The following NELL1 variants were observed in gnomAD, a reference collection of about 807,000 sequenced individuals.
NELL1 encodes the protein protein kinase C-binding protein NELL1.
In NELL1, 76 loss-of-function variants were observed where a neutral mutation model predicts 107.4. The ratio of observed to expected loss-of-function variants is 0.71; its 90% CI spans 0.59 to 0.86. The LOEUF (loss-of-function observed/expected upper bound fraction) is 0.86. NELL1 is among the 40% of genes least tolerant of loss of function. NELL1 has a pLI of 0.00. For missense variants in NELL1, 1,024 were observed against 1,005.5 expected (o/e 1.02, Z -0.25); for synonymous variants, 353 against 341.2 (o/e 1.03, Z -0.38).
chr11:21,280,892 C>T (rs986267986), intron 14 of NELL1, among the ~76,000 whole-genome samples: 18 of 152,096 alleles, frequency 1.2e-4, no homozygotes, highest in African/African-American at 3.6e-4. Flanking sequence ...ACAGGGATTA[C>T]AACTCCTAGG....
intron 14 of NELL1, among the ~76,000 whole-genome samples, chr11:21,338,071 T>A (rs1232974193): frequency 6.6e-6 from 1 of 151,986 alleles, no homozygotes; most frequent in Non-Finnish European, 1.5e-5. Flanking sequence ...AGTTGAGCAA[T>A]ATGTAAGAGT....
chr11:20,822,476 C>G (rs1857779062), intron 3 of NELL1, among the ~76,000 whole-genome samples: 1 of 152,200 alleles, frequency 6.6e-6, no homozygotes, highest in Admixed American at 6.5e-5. Flanking sequence ...AGACAGGAAG[C>G]CTTTTGTAGA....
In NELL1 at chr11:21,489,402, A is replaced by AC. The variant is rs1564920452; in HGVS notation, c.1646-44972_1646-44971insC. On this transcript the variant is annotated intron_variant, in intron 15 of 19. Transcript: ENST00000357134. ...TTTCAAAAAAAAAAAAAAAAAAAAA[A>AC]AAAAAACAGAAGAAAAGGGAACTCT... is the stretch of plus-strand genomic sequence containing the variant. Among the ~76,000 whole-genome samples the AC allele has an allele frequency of 1.1e-4, 16 of 146,118 alleles. 1 individual carries two copies. The highest frequency in any genetic ancestry group is 3.8e-4 in the African/African-American group (15 of 39,342).
intron 3 of NELL1, among the ~76,000 whole-genome samples, chr11:20,838,198 A>G (rs932362920): frequency 6.6e-6 from 1 of 151,448 alleles, no homozygotes; most frequent in Non-Finnish European, 1.5e-5. Context: ...GAAAAATTAG[A>G]CAAATCCCAA....
intron 3 of NELL1, among the ~76,000 whole-genome samples, chr11:20,797,490 T>C (rs559781797): frequency 2.3e-5 from 3 of 129,844 alleles, no homozygotes; most frequent in African/African-American, 8.6e-5. Context: ...GGCGTGAACC[T>C]GGGAGGTGGA....
chr11:21,327,793 C>T lies in NELL1; in HGVS notation c.1550-43060C>T, dbSNP rs190106521. On this transcript the variant is annotated intron_variant, in intron 14 of 19. Coordinates refer to ENST00000357134, the MANE Select transcript of NELL1 (RefSeq NM_006157.5). Reference sequence around the variant, plus strand: ...AATGAAGTCCATACTGAGGTGGTCTCGGATGGAGATGAGGAACTTGTTGGG... The same window carrying T: ...AATGAAGTCCATACTGAGGTGGTCTTGGATGGAGATGAGGAACTTGTTGGG... Among the ~76,000 whole-genome samples, 381 of 151,966 alleles carry T rather than the reference C, an allele frequency of 2.5e-3. 1 individual carries two copies. The highest frequency in any genetic ancestry group is 8.4e-3 in the African/African-American group (346 of 41,420).
Position 21,065,783 on chromosome 11 carries a change from C to A in NELL1, c.1301-47806C>A, listed in dbSNP as rs1380643313. On this transcript the variant is annotated intron_variant, in intron 12 of 19. Coordinates refer to ENST00000357134, the MANE Select transcript of NELL1 (RefSeq NM_006157.5). The stretch of plus-strand genomic sequence containing the variant: ...TTTTCTGTATTCAATTGAATAAGTG[C>A]TTTTGAGATTAAATGTTCTGATATT... Among the ~76,000 whole-genome samples, 3 of 152,074 alleles carry A rather than the reference C, an allele frequency of 2.0e-5. No individual in the cohort carries two copies. In the East Asian group the frequency reaches 5.8e-4, roughly 29 times the overall value.
chr11:21,004,471 C>T (rs973724783), intron 12 of NELL1, among the ~76,000 whole-genome samples: 3 of 152,090 alleles, frequency 2.0e-5, no homozygotes, highest in Non-Finnish European at 2.9e-5. Context: ...GGCACAGAAT[C>T]AGAGAAGCCA....
At chr11:21,358,110 A>G (rs1850980627) in intron 14 of NELL1, among the ~76,000 whole-genome samples, 1 of 152,002 alleles carries the variant, frequency 6.6e-6, no homozygotes, top group East Asian at 1.9e-4. Context: ...TTTGCTTAGT[A>G]TTGCTTTGAC....
intron 14 of NELL1, among the ~76,000 whole-genome samples, chr11:21,255,940 A>G (rs1194032769): frequency 6.6e-6 from 1 of 152,030 alleles, no homozygotes; most frequent in Non-Finnish European, 1.5e-5. Context: ...AAATTCCTTT[A>G]GCGCTCAAAC....
At chr11:21,216,013 G>A (rs994020887) in intron 13 of NELL1, among the ~76,000 whole-genome samples, 4 of 152,118 alleles carry the variant, frequency 2.6e-5, no homozygotes, top group African/African-American at 9.7e-5. Flanking sequence ...GCCTAGGAGG[G>A]AAAAATGGTT....
intron 13 of NELL1, among the ~76,000 whole-genome samples, chr11:21,184,378 C>T (rs566866536): frequency 3.3e-5 from 5 of 151,896 alleles, no homozygotes; most frequent in African/African-American, 9.7e-5. Flanking sequence ...AAGCGATTCT[C>T]CTCCCTCAAC....
chr11:21,293,906 A>G (rs994160552), intron 14 of NELL1, among the ~76,000 whole-genome samples: 4 of 152,162 alleles, frequency 2.6e-5, no homozygotes, highest in Non-Finnish European at 2.9e-5. Context: ...CAGGGAGGGC[A>G]ACATTACACA....
chr11:20,708,541 A>C (rs1468788330), intron 2 of NELL1, among the ~76,000 whole-genome samples: 1 of 151,764 alleles, frequency 6.6e-6, no homozygotes, highest in Non-Finnish European at 1.5e-5. Context: ...TTGTCTATTC[A>C]TGTCCTTTGC....
At chr11:21,390,903 C>T (rs531164100) in intron 15 of NELL1, among the ~76,000 whole-genome samples, 1 of 151,846 alleles carries the variant, frequency 6.6e-6, no homozygotes, top group African/African-American at 2.4e-5. Context: ...CTGTCTACAA[C>T]ACAACTGTTT....
At chr11:20,755,865 GTTTTTTTTTTTTTTTTTTTTTTTTTTTTT>G (rs574606148) in intron 2 of NELL1, among the ~76,000 whole-genome samples, 3,622 of 122,052 alleles carry the variant, frequency 0.03, 212 homozygotes, top group African/African-American at 0.11. Context: ...CAGACCTGCG[GTTTTTTTTTTTTTTTTTTTTTTTTTTTTT>G]TTTTTTTTTT....
intron 3 of NELL1, among the ~76,000 whole-genome samples, chr11:20,840,883 G>C (rs539965870): frequency 6.6e-6 from 1 of 152,230 alleles, no homozygotes; most frequent in African/African-American, 2.4e-5. Context: ...ATTAAGCCAT[G>C]TAATTCAGGT....
rs192114792 is a variant in NELL1, at chr11:21,234,288, C to T, written c.1549+4834C>T. Among the ~76,000 whole-genome samples, 290 of 152,306 alleles carry T rather than the reference C, an allele frequency of 1.9e-3. 1 individual carries two copies. Among genetic ancestry groups the T allele is most frequent in the African/African-American group, 6.2e-3 (259 of 41,564 alleles). On this transcript the variant is annotated intron_variant, in intron 14 of 19. Coordinates refer to ENST00000357134, the MANE Select transcript of NELL1 (RefSeq NM_006157.5). Reference sequence around the variant, plus strand: ...GCTTTGAAATTTTCCCATGATCTCTCTCTTCTCCTGTCGTGGAGTTTTGTA... The same window carrying T: ...GCTTTGAAATTTTCCCATGATCTCTTTCTTCTCCTGTCGTGGAGTTTTGTA...
At chr11:20,947,499 G>C in intron 11 of NELL1, 64 bp downstream of exon 11, 1 of 1,130,948 alleles carries the variant, frequency 8.8e-7, no homozygotes. Flanking sequence ...TGGGGCATGA[G>C]ATTTTAATGA....
Sources: gnomAD v4.1 joint callset for allele counts (sites outside exome capture counted in the v4.1 genomes callset) on GRCh38, gnomAD v4.1.1 for gene constraint, MANE v1.5 for transcripts, NCBI Gene and HGNC (gene_info 2026-07-23, HGNC 2026-07-21) for gene names.